The following TCF12 variants were observed in gnomAD, a reference collection of about 807,000 sequenced individuals.
TCF12 encodes the protein DNA-binding protein HTF4.
TCF12 carries 45 observed loss-of-function variants against 86.0 expected under a neutral mutation model. That is an observed-to-expected ratio of 0.52 (90% CI 0.41 to 0.67). The LOEUF (loss-of-function observed/expected upper bound fraction) is 0.67, where lower values mean the gene tolerates loss of function less well. Ranked by LOEUF, TCF12 falls within the 30% of genes least tolerant of loss-of-function variation. The probability of loss-of-function intolerance (pLI) is 0.00; values close to 1 mark genes in which losing one functional copy is unlikely to be tolerated. For missense variants in TCF12, 881 were observed against 859.9 expected, an observed-to-expected ratio of 1.02 and a Z score of -0.31; for synonymous variants, 330 against 299.6, an observed-to-expected ratio of 1.10 and a Z score of -1.05.
intron 8 of TCF12, among the ~76,000 whole-genome samples, chr15:57,222,548 G>GAAAACT (rs1313261413): frequency 6.6e-6 from 1 of 151,610 alleles, no homozygotes; most frequent in Admixed American, 6.6e-5. Context: ...TAGTAAGTAT[G>GAAAACT]AAAACTAAAA....
Position 57,282,507 on chromosome 15 carries a change from G to C in TCF12, c.2041G>C (p.Val681Leu), listed in dbSNP as rs751729307. ...AAGGGAAGAAGAAAAAGTTTCTGCC[G>C]TATCGGCAGAGCCGCCAACCACACT... ...KRREEEKVSA[V>L]SAEPPTTLPG... The change falls in exon 20 of 21, where the codon GTA becomes CTA. Residue 681 changes from valine to leucine, a missense_variant. Physicochemically the swap from Val to Leu is conservative, Grantham distance 32. Around this residue, in one of 3 missense-constraint regions of TCF12, gnomAD observed 69 missense variants for 64.2 expected, o/e 1.07. Transcript: ENST00000333725. 1 of 1,614,220 alleles carries C rather than the reference G, an allele frequency of 6.2e-7. No individual in the cohort carries two copies. The highest frequency in any genetic ancestry group is 2.2e-5 in the East Asian group (1 of 44,876).
rs975169866 is a variant in TCF12 at position 57,286,385 on chromosome 15, A to G, written c.*240A>G. On this transcript the variant is annotated 3_prime_UTR_variant, in exon 21 of 21. Transcript: ENST00000333725. ...AACATCAGCCCATGAGATGTTTGCA[A>G]CAAATCTTTTGTTGCAAGCAGTGTG... The G allele has an allele frequency of 7.6e-6, 2 of 262,054 alleles. No individual in the cohort carries two copies. Among genetic ancestry groups the G allele is most frequent in the Non-Finnish European group, 1.5e-5 (2 of 131,402 alleles). 16.2% of individuals were successfully genotyped at this position (262,054 alleles called of 1,614,324 possible). A position where few individuals can be genotyped will look rare whatever the true frequency, so the allele number is the denominator to read the frequency against.
At chr15:57,013,716 A>C (rs1422177022) in intron 3 of TCF12, among the ~76,000 whole-genome samples, 1 of 152,248 alleles carries the variant, frequency 6.6e-6, no homozygotes. Context: ...GGAGATAACT[A>C]TAGTGTAGAG....
At chr15:57,206,508 A>G (rs1468860447) in intron 8 of TCF12, among the ~76,000 whole-genome samples, 8 of 152,174 alleles carry the variant, frequency 5.3e-5, no homozygotes, top group Middle Eastern at 3.4e-3. Context: ...AACAGACCTA[A>G]AGAGTTAAAA....
At chr15:56,938,845 C>T (rs2060601689) in intron 3 of TCF12, among the ~76,000 whole-genome samples, 1 of 152,124 alleles carries the variant, frequency 6.6e-6, no homozygotes, top group South Asian at 2.1e-4. Flanking sequence ...GTCCATAACA[C>T]AGTCCATTTC....
At chr15:57,230,250 A>G (rs2059073483) in intron 8 of TCF12, among the ~76,000 whole-genome samples, 1 of 152,002 alleles carries the variant, frequency 6.6e-6, no homozygotes, top group Non-Finnish European at 1.5e-5. Context: ...ATTTCAAACT[A>G]AAACAAAATA....
intron 4 of TCF12, among the ~76,000 whole-genome samples, chr15:57,071,118 C>G (rs2069336311): frequency 6.6e-6 from 1 of 151,976 alleles, no homozygotes. Context: ...TAAAGAGTTA[C>G]TTTTTAGGCT....
At chr15:56,924,024 TG>T (rs1362907842) in intron 3 of TCF12, among the ~76,000 whole-genome samples, 1 of 152,034 alleles carries the variant, frequency 6.6e-6, no homozygotes, top group Non-Finnish European at 1.5e-5. Flanking sequence ...TCTTTTTTTG[TG>T]GGGCGGGGGG....
At chr15:57,122,574 G>A (rs557912846) in intron 5 of TCF12, among the ~76,000 whole-genome samples, 4 of 152,250 alleles carry the variant, frequency 2.6e-5, no homozygotes, top group Admixed American at 6.5e-5. Context: ...GAAGTAGAAC[G>A]AACTCAGATT....
chr15:57,181,950 T>G (rs543048462), intron 6 of TCF12, among the ~76,000 whole-genome samples: 1 of 152,298 alleles, frequency 6.6e-6, no homozygotes, highest in African/African-American at 2.4e-5. Context: ...TTTAGATATA[T>G]GTATTTCTAT....
intron 3 of TCF12, among the ~76,000 whole-genome samples, chr15:56,928,551 A>G (rs1355189453): frequency 2.6e-5 from 4 of 152,204 alleles, no homozygotes; most frequent in Non-Finnish European, 5.9e-5. Context: ...AAAATTGTGT[A>G]TATGAAGTCT....
At chr15:57,066,065 G>A (rs1007772567) in intron 4 of TCF12, among the ~76,000 whole-genome samples, 2 of 151,928 alleles carry the variant, frequency 1.3e-5, no homozygotes, top group African/African-American at 2.4e-5. Flanking sequence ...GAAGTTTTTC[G>A]TATCATTTTC....
At position 57,250,403 on chromosome 15, in the gene TCF12, T is replaced by C. The variant is rs1597633587; in HGVS notation, c.1115-947T>C. Among the ~76,000 whole-genome samples the C allele has an allele frequency of 2.0e-5, 3 of 152,294 alleles. No homozygotes were observed. The South Asian group carries it at 6.2e-4, about 32-fold the overall frequency. On this transcript the variant is annotated intron_variant, in intron 13 of 20. Coordinates refer to ENST00000333725, the MANE Select transcript of TCF12 (RefSeq NM_207037.2). ...AATAGCCGAGTGGTAACAACCAAAA[T>C]GTCTAGCAGTGAAATAATAGTGGCT... is the stretch of plus-strand genomic sequence containing the variant.
intron 3 of TCF12, among the ~76,000 whole-genome samples, chr15:56,991,086 G>A (rs2140966270): frequency 6.6e-6 from 1 of 152,208 alleles, no homozygotes; most frequent in East Asian, 1.9e-4. Flanking sequence ...GCGAGCCACT[G>A]TGCCTGGCCA....
intron 3 of TCF12, among the ~76,000 whole-genome samples, chr15:56,955,806 A>G (rs2061485366): frequency 6.6e-6 from 1 of 151,990 alleles, no homozygotes; most frequent in African/African-American, 2.4e-5. Context: ...TGTTTTGGAG[A>G]TCTATCAATT....
intron 5 of TCF12, among the ~76,000 whole-genome samples, chr15:57,133,511 C>T (rs1164293677): frequency 1.3e-5 from 2 of 152,106 alleles, no homozygotes; most frequent in Non-Finnish European, 2.9e-5. Context: ...GTGTTTGTGC[C>T]CGATAGACTG....
At chr15:57,046,910 AT>A (rs2067266688) in intron 3 of TCF12, among the ~76,000 whole-genome samples, 1 of 152,226 alleles carries the variant, frequency 6.6e-6, no homozygotes, top group South Asian at 2.1e-4. Context: ...TGAACAATAC[AT>A]AAACTCATAT....
chr15:56,954,617 C>T (rs536372504), intron 3 of TCF12, among the ~76,000 whole-genome samples: 1 of 152,278 alleles, frequency 6.6e-6, no homozygotes, highest in East Asian at 1.9e-4. Flanking sequence ...AAGAAACTAC[C>T]ATCAGAGTGA....
chr15:57,100,861 A>G (rs1465312218), intron 5 of TCF12, among the ~76,000 whole-genome samples: 2 of 152,220 alleles, frequency 1.3e-5, no homozygotes, highest in East Asian at 1.9e-4. Context: ...TTGAAAGCAT[A>G]TACTGAATTG....
Sources: gnomAD v4.1 joint callset for allele counts (sites outside exome capture counted in the v4.1 genomes callset) on GRCh38, gnomAD v4.1.1 for gene constraint, gnomAD v4.1.1 regional missense constraint, MANE v1.5 for transcripts, NCBI Gene and HGNC (gene_info 2026-07-23, HGNC 2026-07-21) for gene names.